DOCK10: variants seen among roughly 807,000 people sequenced by gnomAD.
The protein encoded by DOCK10 is dedicator of cytokinesis protein 10.
In DOCK10, 145 loss-of-function variants were observed where a neutral mutation model predicts 280.1. The ratio of observed to expected loss-of-function variants is 0.52; its 90% CI spans 0.45 to 0.59. The LOEUF is 0.59. Among genes scored for constraint, DOCK10 ranks in the 20% least tolerant of loss-of-function variants. DOCK10 has a pLI of 0.00. For missense variants in DOCK10, 2,368 were observed against 2,651.7 expected, an observed-to-expected ratio of 0.89 and a Z score of 2.35; for synonymous variants, 915 against 942.2, an observed-to-expected ratio of 0.97 and a Z score of 0.53.
intron 1 of DOCK10, among the ~76,000 whole-genome samples, chr2:225,020,734 C>T (rs1158031418): frequency 6.6e-6 from 1 of 152,180 alleles, no homozygotes; most frequent in Non-Finnish European, 1.5e-5. Context: ...CAATCTTCAC[C>T]TTCAGAAATC....
At chr2:224,898,403 A>G (rs1387767143) in intron 3 of DOCK10, among the ~76,000 whole-genome samples, 1 of 152,200 alleles carries the variant, frequency 6.6e-6, no homozygotes, top group Non-Finnish European at 1.5e-5. Context: ...GAGAACTTAA[A>G]AACGAAACAG....
At position 224,788,123 on chromosome 2, in the gene DOCK10, T is replaced by C. The variant is rs1265335756; in HGVS notation, c.5419-726A>G. ...AAAAAGTTCCCCTTCTGATTGCAAC[T>C]GTATATGATACCTAGATTTGGCCAC... On this transcript the variant is annotated intron_variant, in intron 48 of 55. Transcript: ENST00000258390. 3.3e-5 allele frequency among the ~76,000 whole-genome samples: 5 copies of C among 152,188 alleles called. No individual in the cohort carries two copies. In the East Asian group the frequency reaches 9.6e-4, roughly 29 times the overall value.
At chr2:224,873,817 G>A (rs1350496277) in intron 11 of DOCK10, among the ~76,000 whole-genome samples, 179 bp downstream of exon 11, 1 of 151,970 alleles carries the variant, frequency 6.6e-6, no homozygotes, top group East Asian at 1.9e-4. Flanking sequence ...ATATTATAAA[G>A]TGTTCCACTT....
intron 1 of DOCK10, among the ~76,000 whole-genome samples, chr2:224,941,007 C>G (rs534855520): frequency 1.3e-5 from 2 of 152,214 alleles, no homozygotes; most frequent in African/African-American, 4.8e-5. Context: ...AAATAACAGT[C>G]ACACCAAATA....
intron 1 of DOCK10, chr2:224,947,140 A>C (rs964299072): frequency 2.0e-5 from 20 of 1,011,780 alleles, no homozygotes; most frequent in Middle Eastern, 2.9e-4. Flanking sequence ...TGAGTAACTA[A>C]CTACCAGCTG....
At chr2:224,899,471 A>C (rs934519227) in intron 3 of DOCK10, among the ~76,000 whole-genome samples, 3 of 152,220 alleles carry the variant, frequency 2.0e-5, no homozygotes, top group Non-Finnish European at 4.4e-5. Context: ...TGAAGAGCTG[A>C]TCAATAAACT....
intron 30 of DOCK10, among the ~76,000 whole-genome samples, chr2:224,814,689 T>C (rs903276536): frequency 1.3e-5 from 2 of 152,098 alleles, no homozygotes; most frequent in African/African-American, 4.8e-5. Flanking sequence ...ACCTGGCTGA[T>C]TTTTGTATTT....
In DOCK10 at chr2:224,830,645, TTATCCTA is replaced by T. The variant is rs762075541; in HGVS notation, c.2965-40_2965-34del. On this transcript the variant is annotated intron_variant, in intron 26 of 55. Transcript: ENST00000258390. Reference sequence around the variant, plus strand: ...GAAAAAAAAGGCAACGAGACATTTATTATCCTATGGCAAAATAATGATAATTTTTTCT... The same window carrying T: ...GAAAAAAAAGGCAACGAGACATTTATTGGCAAAATAATGATAATTTTTTCT... 4.8e-5 allele frequency: 64 copies of T among 1,332,338 alleles called. No individual in the cohort carries two copies. The African/African-American group carries it at 8.5e-4, about 18-fold the overall frequency. 82.5% of individuals were successfully genotyped at this position (1,332,338 alleles called of 1,614,324 possible).
chr2:224,778,514 T>A, intron 50 of DOCK10: 1 of 559,242 alleles, frequency 1.8e-6, no homozygotes, highest in Admixed American at 2.9e-5. Context: ...CCAAAGAAAC[T>A]CATGAAATAT....
In DOCK10 at chr2:224,964,061, T is replaced by A. The variant is rs1000299486; in HGVS notation, c.124-32393A>T. ...ATGTTATATTTTCGAAATACCTATT[T>A]AAAACTTTATGTTTGAAAGGAGAAA... On this transcript the variant is annotated intron_variant, in intron 1 of 55. Coordinates refer to ENST00000258390, the MANE Select transcript of DOCK10 (RefSeq NM_014689.3). Among the ~76,000 whole-genome samples the A allele has an allele frequency of 5.9e-5, 9 of 151,806 alleles. 1 individual carries two copies. Among genetic ancestry groups the A allele is most frequent in the African/African-American group, 2.2e-4 (9 of 41,332 alleles).
intron 1 of DOCK10, among the ~76,000 whole-genome samples, chr2:224,978,120 C>T (rs1346236074): frequency 6.6e-6 from 1 of 152,030 alleles, no homozygotes; most frequent in Non-Finnish European, 1.5e-5. Context: ...AGGCTTTGGG[C>T]TGGGTACTAA....
intron 1 of DOCK10, among the ~76,000 whole-genome samples, chr2:224,987,086 A>G (rs1705994761): frequency 6.6e-6 from 1 of 152,166 alleles, no homozygotes; most frequent in Non-Finnish European, 1.5e-5. Context: ...CTTCTAGCTC[A>G]AGGTGGTGCG....
At chr2:224,849,427 T>A in intron 19 of DOCK10, 80 bp downstream of exon 19, 1 of 967,556 alleles carries the variant, frequency 1.0e-6, no homozygotes, top group Non-Finnish European at 1.6e-6. Flanking sequence ...CTAGAGAGAG[T>A]GTTTTTCACT....
chr2:224,886,308 C>T, intron 5 of DOCK10, 123 bp from the exon 6 acceptor site: 3 of 1,505,482 alleles, frequency 2.0e-6, no homozygotes, highest in Non-Finnish European at 2.7e-6. Flanking sequence ...TGTTCAATTT[C>T]AAAACAAACG....
intron 51 of DOCK10, among the ~76,000 whole-genome samples, chr2:224,777,681 TG>T (rs1245916898): frequency 6.6e-6 from 1 of 152,196 alleles, no homozygotes; most frequent in Non-Finnish European, 1.5e-5. Flanking sequence ...CAGCCTATTG[TG>T]GGACTCCACC....
chr2:224,951,401 C>T (rs1475149743), intron 1 of DOCK10, among the ~76,000 whole-genome samples: 2 of 152,058 alleles, frequency 1.3e-5, no homozygotes, highest in Non-Finnish European at 2.9e-5. Flanking sequence ...AACGCACAGT[C>T]TCACATATTC....
At chr2:224,818,842 C>A (rs1694323736) in intron 29 of DOCK10, among the ~76,000 whole-genome samples, 1 of 152,182 alleles carries the variant, frequency 6.6e-6, no homozygotes, top group Non-Finnish European at 1.5e-5. Context: ...ACTGATCCAG[C>A]TTTCATCATC....
At chr2:224,903,821 C>T (rs1168258843) in intron 3 of DOCK10, among the ~76,000 whole-genome samples, 2 of 152,062 alleles carry the variant, frequency 1.3e-5, no homozygotes, top group Non-Finnish European at 1.5e-5. Flanking sequence ...GAAGGGAAAG[C>T]CAATTTAGAG....
chr2:224,855,195 G>A (rs1354655274), intron 15 of DOCK10, among the ~76,000 whole-genome samples, 153 bp from the exon 16 acceptor site: 2 of 152,002 alleles, frequency 1.3e-5, no homozygotes, highest in African/African-American at 4.8e-5. Flanking sequence ...TCTTGTGAAT[G>A]ATTTTATTTA....
Sources: gnomAD v4.1 joint callset for allele counts (sites outside exome capture counted in the v4.1 genomes callset) on GRCh38, gnomAD v4.1.1 for gene constraint, MANE v1.5 for transcripts, NCBI Gene and HGNC (gene_info 2026-07-23, HGNC 2026-07-21) for gene names.